VPS13B: variants seen among roughly 807,000 people sequenced by gnomAD.
VPS13B encodes the protein vacuolar protein sorting 13 homolog B.
A neutral mutation model predicts 426.4 loss-of-function variants in VPS13B; 285 were observed. The observed-to-expected ratio is 0.67, with a 90% CI of 0.61 to 0.74. The LOEUF is 0.74. VPS13B is among the 30% of genes least tolerant of loss of function. The pLI, the probability that VPS13B is intolerant of heterozygous loss-of-function variation, is 0.00. For missense variants in VPS13B, 4,537 were observed against 4,782.6 expected (o/e 0.95, Z 1.51); for synonymous variants, 1,676 against 1,676.4 (o/e 1.00, Z 0.01).
At chr8:99,298,544 G>T (rs1192979495) in intron 19 of VPS13B, among the ~76,000 whole-genome samples, 1 of 151,986 alleles carries the variant, frequency 6.6e-6, no homozygotes, top group Non-Finnish European at 1.5e-5. Flanking sequence ...ATATACTTTT[G>T]TCTGATAGAA....
At position 99,633,652 on chromosome 8, in the gene VPS13B, T is replaced by C. The variant is rs995433451; in HGVS notation, c.5221-8159T>C. 2.0e-5 allele frequency among the ~76,000 whole-genome samples: 3 copies of C among 152,036 alleles called. No homozygotes were observed. The South Asian group carries it at 6.2e-4, about 32-fold the overall frequency. On this transcript the variant is annotated intron_variant, in intron 33 of 61. Transcript: ENST00000357162. ...GGTTTCCACATTGACATCAGTGGAA[T>C]GAACCTTGGATTTCATCAGTCTGAA... is the stretch of plus-strand genomic sequence containing the variant.
At chr8:99,875,268 C>CA (rs1405376012) in intron 61 of VPS13B, 150 bp from the exon 62 acceptor site, 5 of 1,149,782 alleles carry the variant, frequency 4.3e-6, no homozygotes, top group Non-Finnish European at 6.4e-6. Flanking sequence ...TGCCATATCT[C>CA]AGAGGAAAAA....
At chr8:99,823,738 G>A in intron 50 of VPS13B, 94 bp from the exon 51 acceptor site, 1 of 1,356,264 alleles carries the variant, frequency 7.4e-7, no homozygotes, top group African/African-American at 1.4e-5. Flanking sequence ...TGTCCTGGCA[G>A]ACAATTAGAT....
At chr8:99,259,575 A>G (rs943083471) in intron 17 of VPS13B, among the ~76,000 whole-genome samples, 1 of 152,108 alleles carries the variant, frequency 6.6e-6, no homozygotes, top group Middle Eastern at 3.2e-3. Context: ...TTCACTCCAG[A>G]TTTAACAAAG....
intron 34 of VPS13B, among the ~76,000 whole-genome samples, chr8:99,653,365 G>A (rs892348369): frequency 2.0e-5 from 3 of 152,082 alleles, no homozygotes; most frequent in Admixed American, 6.6e-5. Context: ...ATCATTTAAA[G>A]GCAGTGATTA....
At chr8:99,126,289 G>A (rs764825583) in intron 8 of VPS13B, among the ~76,000 whole-genome samples, 3 of 152,154 alleles carry the variant, frequency 2.0e-5, no homozygotes, top group Non-Finnish European at 4.4e-5. Context: ...TTTGAGGAAA[G>A]GGAAGAAGGT....
intron 33 of VPS13B, among the ~76,000 whole-genome samples, chr8:99,604,300 C>T (rs1233419172): frequency 6.6e-6 from 1 of 152,046 alleles, no homozygotes. Flanking sequence ...GGTACATTTT[C>T]ACAACTAATG....
intron 17 of VPS13B, among the ~76,000 whole-genome samples, chr8:99,235,598 A>G (rs1204712557): frequency 2.6e-5 from 4 of 152,180 alleles, no homozygotes; most frequent in Non-Finnish European, 5.9e-5. Context: ...TTCTATTTTA[A>G]TTAATAATTT....
intron 34 of VPS13B, among the ~76,000 whole-genome samples, chr8:99,659,736 A>G (rs1284708674): frequency 1.3e-5 from 2 of 152,132 alleles, no homozygotes; most frequent in Non-Finnish European, 2.9e-5. Flanking sequence ...CATCAATTTA[A>G]TCATCTCTGT....
At chr8:99,505,738 C>T (rs373957641) in intron 27 of VPS13B, among the ~76,000 whole-genome samples, 5 of 152,014 alleles carry the variant, frequency 3.3e-5, no homozygotes, top group East Asian at 1.9e-4. Context: ...TTGGAAAAAA[C>T]GCTGCTGATG....
At position 99,811,038 on chromosome 8, in the gene VPS13B, T is replaced by G. The variant is rs190177080; in HGVS notation, c.8097+1508T>G. Among the ~76,000 whole-genome samples, 368 of 152,310 alleles carry G rather than the reference T, an allele frequency of 2.4e-3. 2 individuals carry two copies. Among genetic ancestry groups the G allele is most frequent in the African/African-American group, 8.6e-3 (359 of 41,578 alleles). On this transcript the variant is annotated intron_variant, in intron 44 of 61. Coordinates refer to ENST00000357162, the MANE Select transcript of VPS13B (RefSeq NM_152564.5). ...CTGCTGTCAATGAATATCTGCCCAG[T>G]AAGTGTATACTGGTTTTCTGATTCT...
intron 39 of VPS13B, among the ~76,000 whole-genome samples, chr8:99,730,937 A>G (rs1263077634): frequency 6.6e-6 from 1 of 152,142 alleles, no homozygotes; most frequent in Non-Finnish European, 1.5e-5. Flanking sequence ...GAATTGAGAC[A>G]TCAAGACAAG....
At chr8:99,096,828 T>C (rs540825095) in intron 4 of VPS13B, among the ~76,000 whole-genome samples, 2 of 152,282 alleles carry the variant, frequency 1.3e-5, no homozygotes, top group East Asian at 1.9e-4. Context: ...CATAAAACTT[T>C]TAAGCTATAT....
At chr8:99,850,959 A>T (rs1816261834) in intron 55 of VPS13B, among the ~76,000 whole-genome samples, 1 of 152,176 alleles carries the variant, frequency 6.6e-6, no homozygotes, top group Non-Finnish European at 1.5e-5. Context: ...CAACAAAAAA[A>T]GTTTATTGCT....
Position 99,778,957 on chromosome 8 carries a change from G to T in VPS13B, c.7705G>T (p.Val2569Phe), listed in dbSNP as rs780461877. Residue 2569 changes from valine (V) to phenylalanine (F), a missense_variant, in exon 42 of 62, where the codon GTT becomes TTT. By Grantham distance (50) the Val-to-Phe change is conservative (BLOSUM62 -1). Around this residue, in one of 2 missense-constraint regions of VPS13B, gnomAD observed 4,311 missense variants for 4,474.3 expected, o/e 0.96. Transcript: ENST00000357162. ...AAAGCTGCTTGACTGCACCGTGATA[G>T]TTGATTCTGTATTTGTAAACCTTGG... is the stretch of plus-strand genomic sequence containing the variant. ...VEKLLDCTVI[V>F]DSVFVNLGQH... The T allele has an allele frequency of 6.2e-7, 1 of 1,613,862 alleles. No homozygotes were observed. Among genetic ancestry groups the T allele is most frequent in the Non-Finnish European group, 8.5e-7 (1 of 1,179,890 alleles).
intron 16 of VPS13B, among the ~76,000 whole-genome samples, chr8:99,183,812 A>G (rs1162306628): frequency 6.6e-6 from 1 of 152,216 alleles, no homozygotes; most frequent in African/African-American, 2.4e-5. Flanking sequence ...TTTTAAGCAT[A>G]CAATTCAATG....
chr8:99,525,372 A>G (rs1317882005), intron 30 of VPS13B, among the ~76,000 whole-genome samples: 3 of 152,184 alleles, frequency 2.0e-5, no homozygotes, highest in African/African-American at 7.2e-5. Flanking sequence ...GGTGTATATT[A>G]AATTTGAAAA....
At chr8:99,052,412 G>A (rs1419971988) in intron 3 of VPS13B, among the ~76,000 whole-genome samples, 1 of 80,960 alleles carries the variant, frequency 1.2e-5, no homozygotes, top group African/African-American at 4.6e-5. Flanking sequence ...GCTTTTTGAT[G>A]TGCTGCTGGA....
intron 58 of VPS13B, among the ~76,000 whole-genome samples, chr8:99,867,798 T>C (rs921836666): frequency 2.0e-5 from 3 of 152,134 alleles, no homozygotes; most frequent in Admixed American, 2.0e-4. Context: ...TATCAATAAT[T>C]ACTCTTAAGT....
Sources: gnomAD v4.1 joint callset for allele counts (sites outside exome capture counted in the v4.1 genomes callset) on GRCh38, gnomAD v4.1.1 for gene constraint, gnomAD v4.1.1 regional missense constraint, MANE v1.5 for transcripts, NCBI Gene and HGNC (gene_info 2026-07-23, HGNC 2026-07-21) for gene names.